Variants in FGFR1 observed in about 807,000 individuals in gnomAD.
The protein encoded by FGFR1 is FGFR1/PLAG1 fusion.
Under a neutral mutation model 93.7 loss-of-function variants are expected in FGFR1, and 18 were observed. The observed-to-expected ratio is 0.19, with a 90% CI of 0.13 to 0.28. The LOEUF is 0.28. Among genes scored for constraint, FGFR1 ranks in the 10% least tolerant of loss-of-function variants. FGFR1 has a pLI of 1.00. For synonymous variants in FGFR1, 448 were observed against 429.3 expected, an observed-to-expected ratio of 1.04 and a Z score of -0.54; for missense variants, 731 against 1,080.4, an observed-to-expected ratio of 0.68 and a Z score of 4.53.
chr8:38,432,411 T>TTTA (rs1554573363), intron 2 of FGFR1, among the ~76,000 whole-genome samples: 1 of 97,306 alleles, frequency 1.0e-5, no homozygotes, highest in Non-Finnish European at 2.3e-5. Context: ...TCGGGATAAA[T>TTTA]TTTTTTTTTT....
chr8:38,432,451 C>T (rs1002025930), intron 2 of FGFR1, among the ~76,000 whole-genome samples: 9 of 134,462 alleles, frequency 6.7e-5, no homozygotes, highest in Non-Finnish European at 9.4e-5. Context: ...TTTGCTCTTT[C>T]GCCCAGGCTG....
chr8:38,421,978 G>C (rs1278076776), intron 7 of FGFR1, 37 bp from the exon 8 acceptor site: 1 of 1,612,604 alleles, frequency 6.2e-7, no homozygotes, highest in East Asian at 2.2e-5. Flanking sequence ...GACAAGCACA[G>C]GACATGAGAC....
rs138382400 is a variant in FGFR1, at chr8:38,441,467, G to C, written c.92-11519C>G. Among the ~76,000 whole-genome samples, 73 of 152,124 alleles carry C rather than the reference G, an allele frequency of 4.8e-4. 1 individual carries two copies. The highest frequency in any genetic ancestry group is 1.6e-3 in the African/African-American group (65 of 41,426). ...AATTTCCCTCCTTCCTCTCTCCCCA[G>C]CAAAAGTTCTCACCCTATTGTTTAC... On this transcript the variant is annotated intron_variant, in intron 2 of 17. Coordinates refer to ENST00000447712, the MANE Select transcript of FGFR1 (RefSeq NM_023110.3).
intron 2 of FGFR1, among the ~76,000 whole-genome samples, chr8:38,444,399 T>TC (rs984424156): frequency 6.6e-6 from 1 of 151,730 alleles, no homozygotes; most frequent in African/African-American, 2.4e-5. Context: ...TTTTTTTTTT[T>TC]TTTCTTTGAG....
intron 1 of FGFR1, chr8:38,461,273 G>C (rs1396185308): frequency 2.9e-6 from 2 of 688,560 alleles, no homozygotes; most frequent in Non-Finnish European, 4.8e-6. Context: ...AAAAACCTAT[G>C]AATGTCAGAT....
chr8:38,428,629 A>G, intron 3 of FGFR1, 194 bp from the exon 4 acceptor site: 1 of 606,548 alleles, frequency 1.6e-6, no homozygotes, highest in Non-Finnish European at 3.0e-6. Context: ...CCTTCCCCGA[A>G]GCACTGCCCC....
At chr8:38,452,200 GACACAC>G (rs3051753) in intron 2 of FGFR1, among the ~76,000 whole-genome samples, 15,322 of 139,014 alleles carry the variant, frequency 0.11, 1,286 homozygotes, top group African/African-American at 0.25. Flanking sequence ...CAGACACACA[GACACAC>G]ACACACACAC....
intron 9 of FGFR1, 34 bp from the exon 10 acceptor site, chr8:38,418,407 G>C (rs994789784): frequency 6.2e-7 from 1 of 1,605,454 alleles, no homozygotes; most frequent in Middle Eastern, 1.7e-4. Flanking sequence ...CTAGAGCAAG[G>C]AGGGGGGACG....
Position 38,429,313 on chromosome 8 carries a change from T to G in FGFR1, c.358+369A>C, listed in dbSNP as rs1821957918. 1 of 561,938 alleles carries G rather than the reference T, an allele frequency of 1.8e-6. No homozygotes were observed. Among genetic ancestry groups the G allele is most frequent in the African/African-American group, 1.9e-5 (1 of 53,786 alleles). 34.8% of individuals were successfully genotyped at this position (561,938 alleles called of 1,614,324 possible). A position where few individuals can be genotyped will look rare whatever the true frequency, so the allele number is the denominator to read the frequency against. On this transcript the variant is annotated intron_variant, in intron 3 of 17. Transcript: ENST00000447712. This position sits in a 1 kb window ranked among gnomAD's most constrained non-coding sequence, Gnocchi z 4.4. ...CAGGGCCTCTAATCACTAAGCCGAG[T>G]ACCAAGTCCAAATGGCAAGGGAGTG...
chr8:38,467,395 TC>T (rs1835791401), intron 1 of FGFR1, among the ~76,000 whole-genome samples: 1 of 151,784 alleles, frequency 6.6e-6, no homozygotes, highest in South Asian at 2.1e-4. Flanking sequence ...GCAGTTCATC[TC>T]CCACCCCATC....
At position 38,413,134 on chromosome 8, in the gene FGFR1, T is replaced by C. The variant is rs562843836; in HGVS notation, c.*494A>G. 51 of 242,050 alleles carry C rather than the reference T, an allele frequency of 2.1e-4. No individual in the cohort carries two copies. The South Asian group carries it at 7.7e-3, about 37-fold the overall frequency. 15.0% of individuals were successfully genotyped at this position (242,050 alleles called of 1,614,324 possible). On this transcript the variant is annotated 3_prime_UTR_variant, in exon 18 of 18. Transcript: ENST00000447712. The surrounding 1 kb of genome is among the most constrained non-coding windows in gnomAD (Gnocchi z 4.2). ...ACTAGTATCGGAATTAATAAGCCACTGGCACCACCTATCTGGGGCAGAGGT... is the reference window on the plus strand; with the variant it reads ...ACTAGTATCGGAATTAATAAGCCACCGGCACCACCTATCTGGGGCAGAGGT...
Position 38,421,668 on chromosome 8 carries a change from G to A in FGFR1, c.1081+129C>T, listed in dbSNP as rs764924956. 12 of 968,114 alleles carry A rather than the reference G, an allele frequency of 1.2e-5. No individual in the cohort carries two copies. In the African/African-American group the frequency reaches 1.3e-4, roughly 10 times the overall value. The allele number at this position is 968,114 out of a possible 1,614,324, so 60.0% of individuals were successfully genotyped here. A position where few individuals can be genotyped will look rare whatever the true frequency, so the allele number is the denominator to read the frequency against. ...AGCCCTCAAAGCTGGGGCAGGATGTGGCACCAGGCAGGCAGGAGCCCATTC... is the reference window on the plus strand; with the variant it reads ...AGCCCTCAAAGCTGGGGCAGGATGTAGCACCAGGCAGGCAGGAGCCCATTC... On this transcript the variant is annotated intron_variant, in intron 8 of 17. Coordinates refer to ENST00000447712, the MANE Select transcript of FGFR1 (RefSeq NM_023110.3).
At chr8:38,450,304 C>T (rs943276235) in intron 2 of FGFR1, among the ~76,000 whole-genome samples, 5 of 152,124 alleles carry the variant, frequency 3.3e-5, no homozygotes, top group African/African-American at 7.2e-5. Flanking sequence ...TGGACTTCCC[C>T]GGTCAACAGG....
chr8:38,438,631 GGTT>G (rs1471217380), intron 2 of FGFR1, among the ~76,000 whole-genome samples: 3 of 152,104 alleles, frequency 2.0e-5, no homozygotes, highest in Admixed American at 1.3e-4. Context: ...GGCCCAGCTA[GGTT>G]GTTAAGTGGC....
At chr8:38,449,416 T>C (rs1006902497) in intron 2 of FGFR1, among the ~76,000 whole-genome samples, 12 of 152,206 alleles carry the variant, frequency 7.9e-5, no homozygotes, top group Non-Finnish European at 7.3e-5. Context: ...AGTCAATGAA[T>C]GGACCATTAG....
chr8:38,424,850 G>T lies in FGFR1; in HGVS notation c.746-151C>A. 1 of 748,134 alleles carries T rather than the reference G, an allele frequency of 1.3e-6. No individual in the cohort carries two copies. The highest frequency in any genetic ancestry group is 2.1e-6 in the Non-Finnish European group (1 of 468,424). The allele number at this position is 748,134 out of a possible 1,614,324, so 46.3% of individuals were successfully genotyped here. A position where few individuals can be genotyped will look rare whatever the true frequency, so the allele number is the denominator to read the frequency against. On this transcript the variant is annotated intron_variant, in intron 6 of 17. Transcript: ENST00000447712. This position sits in a 1 kb window ranked among gnomAD's most constrained non-coding sequence, Gnocchi z 4.3. ...AGCCCAAGCCTCTCAAAACAGAGCT[G>T]GGGAAAGGGACACCCTCTCTTCAGG...
At chr8:38,464,276 C>T (rs1835036229) in intron 1 of FGFR1, among the ~76,000 whole-genome samples, 1 of 137,588 alleles carries the variant, frequency 7.3e-6, no homozygotes, top group Non-Finnish European at 1.5e-5. Flanking sequence ...GATAGCGCCA[C>T]AGCACTCCAG....
rs575134757 is a variant in FGFR1 at position 38,457,853 on chromosome 8, C to T, written c.-88-319G>A. 6.4e-4 allele frequency among the ~76,000 whole-genome samples: 98 copies of T among 152,218 alleles called. 1 individual carries two copies. Among genetic ancestry groups the T allele is most frequent in the African/African-American group, 3.4e-4 (14 of 41,542 alleles). On this transcript the variant is annotated intron_variant, in intron 1 of 17. Coordinates refer to ENST00000447712, the MANE Select transcript of FGFR1 (RefSeq NM_023110.3). ...CAAAAATTACCCAGGCGTGGTGGCGCGCACCTGTAGTCCCAGTTACTTCGG... is the reference window on the plus strand; with the variant it reads ...CAAAAATTACCCAGGCGTGGTGGCGTGCACCTGTAGTCCCAGTTACTTCGG...
intron 7 of FGFR1, chr8:38,423,373 G>A: frequency 2.0e-6 from 1 of 505,462 alleles, no homozygotes. Context: ...CCAGGCTGGA[G>A]TGCAGTGGCG....
Sources: allele counts gnomAD v4.1 joint callset (sites outside exome capture counted in the v4.1 genomes callset), GRCh38; gene constraint gnomAD v4.1.1; non-coding constraint Gnocchi (gnomAD v3.1); transcripts MANE v1.5; gene names NCBI Gene and HGNC (gene_info 2026-07-23, HGNC 2026-07-21).